The following SMOC2 variants were observed in gnomAD, a reference collection of about 807,000 sequenced individuals.
SMOC2 encodes the protein SPARC related modular calcium binding 2.
SMOC2 carries 39 observed loss-of-function variants against 61.4 expected under a neutral mutation model. The observed-to-expected ratio is 0.64, with a 90% CI of 0.49 to 0.83. The LOEUF (loss-of-function observed/expected upper bound fraction) is 0.83, where lower values mean the gene tolerates loss of function less well. Among genes scored for constraint, SMOC2 ranks in the 40% least tolerant of loss-of-function variants. The pLI is 0.00. For synonymous variants in SMOC2, 247 were observed against 239.9 expected, an observed-to-expected ratio of 1.03 and a Z score of -0.27; for missense variants, 556 against 592.9, an observed-to-expected ratio of 0.94 and a Z score of 0.65.
intron 9 of SMOC2, among the ~76,000 whole-genome samples, chr6:168,638,070 ACCCTGCCCTGC>A (rs1468268026): frequency 9.9e-5 from 8 of 80,810 alleles, no homozygotes; most frequent in Non-Finnish European, 1.2e-4. Context: ...CCCCTGCCCC[ACCCTGCCCTGC>A]CCCTGCCCTG....
chr6:168,608,831 T>C (rs775158439), intron 9 of SMOC2, among the ~76,000 whole-genome samples: 18 of 152,226 alleles, frequency 1.2e-4, no homozygotes, highest in African/African-American at 3.9e-4. Flanking sequence ...TTGTTTCATT[T>C]TGATCTTTTT....
chr6:168,562,572 A>G (rs1277256608), intron 7 of SMOC2, among the ~76,000 whole-genome samples: 1 of 152,114 alleles, frequency 6.6e-6, no homozygotes, highest in Non-Finnish European at 1.5e-5. Context: ...TTTACATATG[A>G]AAAAATGCAA....
At chr6:168,450,634 CTT>C in intron 1 of SMOC2, among the ~76,000 whole-genome samples, 1 of 152,280 alleles carries the variant, frequency 6.6e-6, no homozygotes, top group African/African-American at 2.4e-5. Flanking sequence ...GTAGATGCTG[CTT>C]CCCCAGGATG....
chr6:168,658,880 T>G (rs146928121), intron 11 of SMOC2, among the ~76,000 whole-genome samples: 45 of 147,226 alleles, frequency 3.1e-4, no homozygotes, highest in Middle Eastern at 3.5e-3. Context: ...ACTGTGTGTG[T>G]GTGTGGAGTA....
chr6:168,541,325 C>T (rs1033524189), intron 4 of SMOC2, among the ~76,000 whole-genome samples: 3 of 152,184 alleles, frequency 2.0e-5, no homozygotes, highest in African/African-American at 7.2e-5. Context: ...AGCCTCCAGC[C>T]CGGGGTTCAC....
At chr6:168,584,974 T>A (rs892306643) in intron 7 of SMOC2, among the ~76,000 whole-genome samples, 3 of 152,184 alleles carry the variant, frequency 2.0e-5, no homozygotes, top group Admixed American at 6.5e-5. Flanking sequence ...TACATTTTTT[T>A]AAAAACAAGG....
intron 7 of SMOC2, among the ~76,000 whole-genome samples, chr6:168,574,848 G>A (rs1583124361): frequency 1.3e-5 from 2 of 152,130 alleles, no homozygotes; most frequent in African/African-American, 4.8e-5. Context: ...AGGCACAGAG[G>A]GTGACATGGG....
intron 1 of SMOC2, among the ~76,000 whole-genome samples, chr6:168,501,732 GA>G (rs1330998549): frequency 2.0e-5 from 3 of 152,228 alleles, no homozygotes; most frequent in Non-Finnish European, 2.9e-5. Context: ...TTTCCTCTGG[GA>G]TCTCCGTACC....
chr6:168,579,717 G>A (rs1171866887), intron 7 of SMOC2, among the ~76,000 whole-genome samples: 1 of 152,176 alleles, frequency 6.6e-6, no homozygotes, highest in Non-Finnish European at 1.5e-5. Context: ...GATACTCCCT[G>A]TGGCCTTGAT....
intron 1 of SMOC2, among the ~76,000 whole-genome samples, chr6:168,484,977 A>G (rs1236623666): frequency 6.6e-6 from 1 of 152,180 alleles, no homozygotes. Flanking sequence ...TGATGGAGAC[A>G]GGGGTTGAGC....
intron 9 of SMOC2, among the ~76,000 whole-genome samples, chr6:168,615,540 C>G (rs74419582): frequency 1.3e-5 from 1 of 77,442 alleles, no homozygotes; most frequent in Non-Finnish European, 2.6e-5. Flanking sequence ...TACTTACAGC[C>G]GGCACAGGGC....
intron 9 of SMOC2, among the ~76,000 whole-genome samples, chr6:168,610,795 C>T (rs964547896): frequency 2.6e-5 from 4 of 152,188 alleles, no homozygotes; most frequent in African/African-American, 9.7e-5. Context: ...CTAGGTCTGG[C>T]TTAAGGGGCT....
intron 1 of SMOC2, among the ~76,000 whole-genome samples, chr6:168,489,588 A>G (rs911971048): frequency 6.7e-6 from 1 of 148,472 alleles, no homozygotes; most frequent in Non-Finnish European, 1.5e-5. Flanking sequence ...ACTGTTTTAG[A>G]ATGAAATATA....
At chr6:168,602,593 A>G (rs1411373000) in intron 8 of SMOC2, among the ~76,000 whole-genome samples, 1 of 152,170 alleles carries the variant, frequency 6.6e-6, no homozygotes. Context: ...TTCAGCACCC[A>G]GGGCAGGACT....
intron 9 of SMOC2, among the ~76,000 whole-genome samples, chr6:168,638,932 G>A (rs888012251): frequency 2.0e-4 from 30 of 152,304 alleles, no homozygotes; most frequent in African/African-American, 7.0e-4. Context: ...TGCTCCGTCC[G>A]TAGTGCATGA....
At chr6:168,524,575 TACC>T (rs1783410083) in intron 2 of SMOC2, among the ~76,000 whole-genome samples, 1 of 152,248 alleles carries the variant, frequency 6.6e-6, no homozygotes, top group Non-Finnish European at 1.5e-5. Context: ...GCTCCATCTG[TACC>T]TCGTGGAGAC....
In SMOC2 at chr6:168,553,712, T is replaced by C. The variant is rs1784180875; in HGVS notation, c.637+4509T>C. On this transcript the variant is annotated intron_variant, in intron 7 of 12. Coordinates refer to ENST00000356284, the MANE Select transcript of SMOC2 (RefSeq NM_001166412.2). This position sits in a 1 kb window ranked among gnomAD's most constrained non-coding sequence, Gnocchi z 4.2. ...GGCATGTCAAAGCCAAGGAGGGCTC[T>C]ATCTCTGGGGCGAGGAGGCATCCAG... 6.6e-6 allele frequency among the ~76,000 whole-genome samples: 1 copy of C among 152,230 alleles called. No individual in the cohort carries two copies. The highest frequency in any genetic ancestry group is 1.9e-4 in the East Asian group (1 of 5,188).
intron 9 of SMOC2, among the ~76,000 whole-genome samples, chr6:168,617,761 T>A (rs1362950381): frequency 1.3e-5 from 2 of 152,222 alleles, no homozygotes; most frequent in Non-Finnish European, 2.9e-5. Context: ...GGCTCCAGAT[T>A]AAATGTGAAC....
chr6:168,526,985 A>C (rs1783470290), intron 3 of SMOC2, among the ~76,000 whole-genome samples: 1 of 152,176 alleles, frequency 6.6e-6, no homozygotes, highest in Non-Finnish European at 1.5e-5. Flanking sequence ...AATGCTGTTA[A>C]CTCCTTATTA....
Sources: gnomAD v4.1 joint callset for allele counts (sites outside exome capture counted in the v4.1 genomes callset) on GRCh38, gnomAD v4.1.1 for gene constraint, Gnocchi (gnomAD v3.1) non-coding constraint, MANE v1.5 for transcripts, NCBI Gene and HGNC (gene_info 2026-07-23, HGNC 2026-07-21) for gene names.